The following ZMYND8 variants were observed in gnomAD, a reference collection of about 807,000 sequenced individuals.
ZMYND8 encodes the protein zinc finger MYND-type containing 8, also known as MYND-type zinc finger-containing chromatin reader ZMYND8.
In ZMYND8, 37 loss-of-function variants were observed where a neutral mutation model predicts 140.8. The ratio of observed to expected loss-of-function variants is 0.26; its 90% CI spans 0.20 to 0.35. The LOEUF is 0.35. ZMYND8 is among the 10% of genes least tolerant of loss of function. The probability of loss-of-function intolerance (pLI) is 1.00; values close to 1 mark genes in which losing one functional copy is unlikely to be tolerated. For synonymous variants in ZMYND8, 592 were observed against 597.1 expected (o/e 0.99, Z 0.12); for missense variants, 1,068 against 1,570.0 (o/e 0.68, Z 5.40).
intron 10 of ZMYND8, among the ~76,000 whole-genome samples, chr20:47,281,832 C>T (rs1022620187): frequency 6.6e-6 from 1 of 152,172 alleles, no homozygotes; most frequent in Admixed American, 6.5e-5. Flanking sequence ...AACAGCAGCA[C>T]TTCAAACAGC....
At chr20:47,353,799 G>A (rs555096590) in intron 1 of ZMYND8, 2 of 152,382 alleles carry the variant, frequency 1.3e-5, no homozygotes, top group Admixed American at 6.5e-5. Flanking sequence ...ATGAGAAAAA[G>A]AAGGGGGGTT....
intron 3 of ZMYND8, among the ~76,000 whole-genome samples, chr20:47,306,432 C>A (rs929098719): frequency 4.0e-5 from 6 of 151,338 alleles, no homozygotes; most frequent in African/African-American, 9.7e-5. Flanking sequence ...AATAAAAATA[C>A]AAATAAAAAT....
intron 2 of ZMYND8, among the ~76,000 whole-genome samples, chr20:47,313,803 C>T (rs1255407745): frequency 2.0e-5 from 3 of 148,088 alleles, no homozygotes; most frequent in Admixed American, 2.0e-4. Flanking sequence ...TGTGGTGGCA[C>T]GTGCCTATAG....
At chr20:47,221,651 A>G (rs2036971373) in intron 19 of ZMYND8, among the ~76,000 whole-genome samples, 177 bp from the exon 20 acceptor site, 1 of 152,198 alleles carries the variant, frequency 6.6e-6, no homozygotes, top group Non-Finnish European at 1.5e-5. Context: ...GGAATTCCAA[A>G]CTTTAGAATT....
intron 2 of ZMYND8, among the ~76,000 whole-genome samples, chr20:47,324,742 A>G (rs1393382807): frequency 6.6e-6 from 1 of 151,666 alleles, no homozygotes; most frequent in Non-Finnish European, 1.5e-5. Flanking sequence ...TTCATCTATA[A>G]TGTTCTGTGC....
At chr20:47,273,511 G>A (rs1319469757) in intron 11 of ZMYND8, among the ~76,000 whole-genome samples, 1 of 152,126 alleles carries the variant, frequency 6.6e-6, no homozygotes, top group South Asian at 2.1e-4. Flanking sequence ...GTGGCACTGC[G>A]CTCTAGCCTG....
At chr20:47,347,998 G>A (rs761780479) in intron 1 of ZMYND8, 72 bp from the exon 2 acceptor site, 25 of 1,464,062 alleles carry the variant, frequency 1.7e-5, no homozygotes, top group Admixed American at 5.0e-5. Flanking sequence ...CTATTTGGAA[G>A]TTCTAGCAAC....
intron 4 of ZMYND8, among the ~76,000 whole-genome samples, chr20:47,296,956 A>T (rs945933602): frequency 6.6e-6 from 1 of 152,162 alleles, no homozygotes. Flanking sequence ...CCATGTCTCA[A>T]ATAAAAATAA....
At chr20:47,308,878 A>C (rs528504663) in intron 3 of ZMYND8, among the ~76,000 whole-genome samples, 27 of 152,252 alleles carry the variant, frequency 1.8e-4, no homozygotes, top group African/African-American at 6.0e-4. Context: ...ATCTCGTTTA[A>C]TTCAACTTTC....
At chr20:47,311,049 G>A (rs1278774563) in intron 2 of ZMYND8, among the ~76,000 whole-genome samples, 1 of 152,138 alleles carries the variant, frequency 6.6e-6, no homozygotes, top group Non-Finnish European at 1.5e-5. Context: ...AGACCAGGAA[G>A]GCCATACTTC....
intron 11 of ZMYND8, among the ~76,000 whole-genome samples, chr20:47,262,859 G>A (rs1333202776): frequency 1.3e-5 from 2 of 152,228 alleles, no homozygotes; most frequent in African/African-American, 4.8e-5. Flanking sequence ...CAGCTCACAC[G>A]CAGCCACTGC....
intron 3 of ZMYND8, among the ~76,000 whole-genome samples, chr20:47,307,956 A>G (rs1330829342): frequency 6.6e-6 from 1 of 151,736 alleles, no homozygotes; most frequent in African/African-American, 2.4e-5. Context: ...CATCTCTACT[A>G]AAAATAAAAA....
intron 16 of ZMYND8, among the ~76,000 whole-genome samples, chr20:47,235,567 C>T (rs1256028091): frequency 6.6e-6 from 1 of 152,040 alleles, no homozygotes; most frequent in Non-Finnish European, 1.5e-5. Context: ...ATTAGCCAGG[C>T]ATGGTGGCGC....
rs1472971960 is a variant in ZMYND8 at position 47,255,613 on chromosome 20, C to CACCATATACATATACTCAGTATATATAT, written c.1622-6202_1622-6175dup. Among the ~76,000 whole-genome samples the CACCATATACATATACTCAGTATATATAT allele has an allele frequency of 3.4e-3, 431 of 128,452 alleles. 4 individuals are homozygous for CACCATATACATATACTCAGTATATATAT. Among genetic ancestry groups the CACCATATACATATACTCAGTATATATAT allele is most frequent in the African/African-American group, 0.012 (414 of 33,478 alleles). 84.3% of individuals were successfully genotyped at this position (128,452 alleles called of 152,430 possible). A position where few individuals can be genotyped will look rare whatever the true frequency, so the allele number is the denominator to read the frequency against. On this transcript the variant is annotated intron_variant, in intron 12 of 22. Transcript: ENST00000471951. The stretch of plus-strand genomic sequence containing the variant: ...GTGTGTGTATATATATATATATACA[C>CACCATATACATATACTCAGTATATATAT]ACCATATACATATACTCAGTATATA...
intron 2 of ZMYND8, chr20:47,320,084 T>C (rs1370733777): frequency 6.6e-6 from 1 of 152,170 alleles, no homozygotes; most frequent in African/African-American, 2.4e-5. Context: ...GGTAGTGGCT[T>C]CCAAACTGCA....
At chr20:47,281,681 G>A (rs539475387) in intron 10 of ZMYND8, among the ~76,000 whole-genome samples, 8 of 152,188 alleles carry the variant, frequency 5.3e-5, no homozygotes, top group Non-Finnish European at 5.9e-5. Flanking sequence ...GAACTACTCA[G>A]CATGATGATA....
At chr20:47,290,298 T>C (rs1186130624) in intron 6 of ZMYND8, 24 bp from the exon 7 acceptor site, 2 of 1,609,100 alleles carry the variant, frequency 1.2e-6, no homozygotes, top group African/African-American at 1.3e-5. Flanking sequence ...CGATGGAGCA[T>C]AATCACAGTG....
At chr20:47,255,803 C>CATATAT (rs1569009387) in intron 12 of ZMYND8, among the ~76,000 whole-genome samples, 1 of 47,084 alleles carries the variant, frequency 2.1e-5, no homozygotes, top group African/African-American at 6.8e-5. Context: ...ATATATATAC[C>CATATAT]GTATATATAT....
chr20:47,323,652 G>C (rs922046404), intron 2 of ZMYND8, among the ~76,000 whole-genome samples: 12 of 152,084 alleles, frequency 7.9e-5, no homozygotes, highest in Admixed American at 5.2e-4. Context: ...AGGAAGCCAG[G>C]CTCAAAATCC....
Sources: allele counts gnomAD v4.1 joint callset (sites outside exome capture counted in the v4.1 genomes callset), GRCh38; gene constraint gnomAD v4.1.1; transcripts MANE v1.5; gene names NCBI Gene and HGNC (gene_info 2026-07-23, HGNC 2026-07-21).